The following RBFOX1 variants were observed in gnomAD, a reference collection of about 807,000 sequenced individuals.
RBFOX1 encodes RNA binding protein fox-1 homolog 1.
Under a neutral mutation model 57.7 loss-of-function variants are expected in RBFOX1, and 8 were observed. The observed-to-expected ratio is 0.14, with a 90% CI of 0.08 to 0.25. The LOEUF is 0.25. Ranked by LOEUF, RBFOX1 falls within the 10% of genes least tolerant of loss-of-function variation. The pLI is 1.00. For missense variants in RBFOX1, 611 were observed against 548.5 expected, an observed-to-expected ratio of 1.11 and a Z score of -1.14; for synonymous variants, 326 against 222.4, an observed-to-expected ratio of 1.47 and a Z score of -4.15.
intron 4 of RBFOX1, among the ~76,000 whole-genome samples, chr16:5,987,748 G>C (rs948779948): frequency 1.2e-4 from 19 of 152,084 alleles, no homozygotes; most frequent in African/African-American, 4.6e-4. Flanking sequence ...TTTAGTTTGA[G>C]GTTTATCTTT....
At chr16:5,276,739 C>G (rs1567268715) in intron 1 of RBFOX1, among the ~76,000 whole-genome samples, 1 of 152,130 alleles carries the variant, frequency 6.6e-6, no homozygotes. Flanking sequence ...CTGATATACT[C>G]CAGCCTGTGT....
chr16:5,282,471 A>C (rs935730757), intron 1 of RBFOX1, among the ~76,000 whole-genome samples: 23 of 152,222 alleles, frequency 1.5e-4, no homozygotes, highest in African/African-American at 5.5e-4. Flanking sequence ...AATGTGGGAA[A>C]ATTTGGAAGA....
intron 2 of RBFOX1, chr16:5,598,836 G>A (rs1207987119): frequency 7.9e-7 from 1 of 1,272,684 alleles, no homozygotes; most frequent in Non-Finnish European, 1.1e-6. Context: ...GGTTACTCAA[G>A]GTTAGAATTT....
At chr16:6,351,367 TATA>T (rs1463585425) in intron 2 of RBFOX1, among the ~76,000 whole-genome samples, 14 of 98,568 alleles carry the variant, frequency 1.4e-4, no homozygotes, top group African/African-American at 5.8e-4. Context: ...TATATATATA[TATA>T]TATTTTTTTT....
intron 4 of RBFOX1, among the ~76,000 whole-genome samples, chr16:5,955,349 AATAAAT>A (rs2059611935): frequency 4.1e-5 from 1 of 24,234 alleles, no homozygotes; most frequent in African/African-American, 2.5e-4. Flanking sequence ...AATAAAATAA[AATAAAT>A]AAAAATAAAA....
chr16:5,998,819 G>A (rs914657219), intron 4 of RBFOX1, among the ~76,000 whole-genome samples: 16 of 152,100 alleles, frequency 1.1e-4, no homozygotes, highest in Non-Finnish European at 1.5e-5. Flanking sequence ...ATGTTACTAC[G>A]TATATAAATT....
chr16:5,890,952 G>T (rs1171224930), intron 4 of RBFOX1, among the ~76,000 whole-genome samples: 1 of 152,106 alleles, frequency 6.6e-6, no homozygotes, highest in Non-Finnish European at 1.5e-5. Context: ...TCATCCGCCT[G>T]GATCTGAATT....
At chr16:7,195,394 G>T (rs2086450247) in intron 4 of RBFOX1, among the ~76,000 whole-genome samples, 1 of 152,178 alleles carries the variant, frequency 6.6e-6, no homozygotes, top group African/African-American at 2.4e-5. Context: ...GAGTATCAAA[G>T]ACATATTGAG....
intron 1 of RBFOX1, among the ~76,000 whole-genome samples, chr16:5,427,107 C>T (rs1302386110): frequency 6.6e-6 from 1 of 152,200 alleles, no homozygotes; most frequent in Admixed American, 6.5e-5. Flanking sequence ...ACTGTCCCTT[C>T]CCTGTCATCC....
intron 4 of RBFOX1, among the ~76,000 whole-genome samples, chr16:7,452,748 C>T (rs1265540545): frequency 6.6e-6 from 1 of 152,168 alleles, no homozygotes; most frequent in African/African-American, 2.4e-5. Context: ...AACTCCTGAT[C>T]ATGGCTGCCA....
intron 13 of RBFOX1, 109 bp from the exon 14 acceptor site, chr16:7,676,664 CT>C: frequency 1.1e-6 from 1 of 942,822 alleles, no homozygotes. Flanking sequence ...TTAACCTCAA[CT>C]TTAGCTCAGT....
At chr16:5,325,024 A>T (rs2064526125) in intron 1 of RBFOX1, among the ~76,000 whole-genome samples, 1 of 152,178 alleles carries the variant, frequency 6.6e-6, no homozygotes, top group South Asian at 2.1e-4. Context: ...TACAACAAAC[A>T]GAAGTCTACC....
intron 1 of RBFOX1, among the ~76,000 whole-genome samples, chr16:6,216,825 C>T (rs913650086): frequency 6.6e-6 from 1 of 152,072 alleles, no homozygotes; most frequent in Non-Finnish European, 1.5e-5. Flanking sequence ...TTTTAAAATG[C>T]AGCTTCACTT....
chr16:5,716,023 G>T (rs933497212), intron 3 of RBFOX1, among the ~76,000 whole-genome samples: 21 of 152,160 alleles, frequency 1.4e-4, no homozygotes, highest in African/African-American at 4.6e-4. Context: ...AAGTGGGCAA[G>T]GCAGGAATAA....
intron 1 of RBFOX1, among the ~76,000 whole-genome samples, chr16:6,043,743 A>C (rs1311872461): frequency 6.6e-6 from 1 of 152,140 alleles, no homozygotes; most frequent in East Asian, 1.9e-4. Context: ...GGAGAACTCC[A>C]GGGGCTCTTC....
rs561974725 is a variant in RBFOX1 at position 5,641,047 on chromosome 16, T to C, written c.318+42086T>C. ...ATGCATAAACACCCATGCACACACA[T>C]ATGCACATACACCCATGCACACCAT... On this transcript the variant is annotated intron_variant, in intron 3 of 19. Coordinates refer to the RBFOX1 transcript ENST00000641259. Among the ~76,000 whole-genome samples the C allele has an allele frequency of 7.9e-4, 106 of 134,550 alleles. 1 individual carries two copies. Among genetic ancestry groups the C allele is most frequent in the Non-Finnish European group, 1.3e-3 (79 of 63,176 alleles). The allele number at this position is 134,550 out of a possible 152,430, so 88.3% of individuals were successfully genotyped here. A position where few individuals can be genotyped will look rare whatever the true frequency, so the allele number is the denominator to read the frequency against.
At chr16:6,697,173 G>GT (rs1316827034) in intron 3 of RBFOX1, among the ~76,000 whole-genome samples, 3 of 152,154 alleles carry the variant, frequency 2.0e-5, no homozygotes, top group African/African-American at 7.2e-5. Context: ...TACCTTGGTG[G>GT]TGATGATGTT....
At chr16:6,996,134 T>A (rs559085555) in intron 3 of RBFOX1, among the ~76,000 whole-genome samples, 1 of 152,346 alleles carries the variant, frequency 6.6e-6, no homozygotes, top group African/African-American at 2.4e-5. Context: ...TATTGTATCC[T>A]AATTATCTGA....
chr16:7,411,026 C>A (rs4787014), intron 4 of RBFOX1, among the ~76,000 whole-genome samples: 137,307 of 152,052 alleles, frequency 0.9, 62,110 homozygotes, highest in South Asian at 0.95. Flanking sequence ...GCTCACTGCA[C>A]CCTCTGCCTC....
Sources: allele counts gnomAD v4.1 joint callset (sites outside exome capture counted in the v4.1 genomes callset), GRCh38; gene constraint gnomAD v4.1.1; transcripts MANE v1.5; gene names NCBI Gene and HGNC (gene_info 2026-07-23, HGNC 2026-07-21).